The following ACBD5 variants were observed in gnomAD, a reference collection of about 807,000 sequenced individuals.
The protein encoded by ACBD5 is acyl-CoA-binding domain-containing protein 5.
A neutral mutation model predicts 71.8 loss-of-function variants in ACBD5; 40 were observed. The ratio of observed to expected loss-of-function variants is 0.56; its 90% CI spans 0.43 to 0.72. ACBD5 has a LOEUF of 0.72. Ranked by LOEUF, ACBD5 falls within the 30% of genes least tolerant of loss-of-function variation. The probability of loss-of-function intolerance (pLI) is 0.00; values close to 1 mark genes in which losing one functional copy is unlikely to be tolerated. For synonymous variants in ACBD5, 229 were observed against 218.6 expected (o/e 1.05, Z -0.42); for missense variants, 559 against 644.5 (o/e 0.87, Z 1.44).
rs1036710938 is a variant in ACBD5, at chr10:27,208,548, C to T, written c.1205-103G>A. 4.4e-6 allele frequency: 6 copies of T among 1,374,860 alleles called. No homozygotes were observed. In the African/African-American group the frequency reaches 5.7e-5, roughly 13 times the overall value. The allele number at this position is 1,374,860 out of a possible 1,614,324, so 85.2% of individuals were successfully genotyped here. A position where few individuals can be genotyped will look rare whatever the true frequency, so the allele number is the denominator to read the frequency against. ...GTTATTTCTTTGAGATCTAAATCTC[C>T]AAAGTGTGGCCAGGAGCTGTGGCTC... On this transcript the variant is annotated intron_variant, in intron 9 of 12. Coordinates refer to ENST00000396271, the MANE Select transcript of ACBD5 (RefSeq NM_145698.5).
chr10:27,191,649 C>T (rs556454966), downstream of ACBD5, among the ~76,000 whole-genome samples: 30 of 152,200 alleles, frequency 2.0e-4, no homozygotes, highest in African/African-American at 7.2e-4. Flanking sequence ...TTTGGGAGAT[C>T]GAGGCAGGCA....
At chr10:27,237,122 A>C (rs912580062) in intron 2 of ACBD5, among the ~76,000 whole-genome samples, 1 of 151,168 alleles carries the variant, frequency 6.6e-6, no homozygotes, top group Non-Finnish European at 1.5e-5. Context: ...ACTTATTTAA[A>C]TAACACAAAT....
Position 27,196,720 on chromosome 10 carries a change from A to G in ACBD5, c.*710T>C. 2 of 454,496 alleles carry G rather than the reference A, an allele frequency of 4.4e-6. No individual in the cohort carries two copies. Among genetic ancestry groups the G allele is most frequent in the Non-Finnish European group, 8.8e-6 (2 of 226,776 alleles). 28.2% of individuals were successfully genotyped at this position (454,496 alleles called of 1,614,324 possible). A position where few individuals can be genotyped will look rare whatever the true frequency, so the allele number is the denominator to read the frequency against. ...CTGATTAATCATCTACAGGCTCAGA[A>G]TACACTTTTAAACCTACATGAAGCT... is the stretch of plus-strand genomic sequence containing the variant. On this transcript the variant is annotated 3_prime_UTR_variant, in exon 13 of 13. Coordinates refer to ENST00000396271, the MANE Select transcript of ACBD5 (RefSeq NM_145698.5).
chr10:27,237,247 AG>A (rs1473666591), intron 2 of ACBD5, among the ~76,000 whole-genome samples: 1 of 152,218 alleles, frequency 6.6e-6, no homozygotes, highest in African/African-American at 2.4e-5. Flanking sequence ...ACATTTATTG[AG>A]TGTAGTCTGT....
chr10:27,216,933 T>C (rs975908291), intron 7 of ACBD5, among the ~76,000 whole-genome samples: 1 of 151,140 alleles, frequency 6.6e-6, no homozygotes, highest in Non-Finnish European at 1.5e-5. Context: ...GATCACAAGG[T>C]CAGGAGATCG....
chr10:27,195,432 G>T lies in ACBD5; in HGVS notation c.*1998C>A. 1 of 454,440 alleles carries T rather than the reference G, an allele frequency of 2.2e-6. No homozygotes were observed. Among genetic ancestry groups the T allele is most frequent in the South Asian group, 1.6e-5 (1 of 64,458 alleles). The allele number at this position is 454,440 out of a possible 1,614,324, so 28.2% of individuals were successfully genotyped here. Reference sequence around the variant, plus strand: ...TAAGACTTTGGAACAGGATAGAAATGGTTATCCCTAGGAGTTAGTTATCCC... The same window carrying T: ...TAAGACTTTGGAACAGGATAGAAATTGTTATCCCTAGGAGTTAGTTATCCC... On this transcript the variant is annotated 3_prime_UTR_variant, in exon 13 of 13. Transcript: ENST00000396271.
chr10:27,189,588 TAG>T, intron 13 of ACBD5, among the ~76,000 whole-genome samples: 1 of 131,934 alleles, frequency 7.6e-6, no homozygotes, highest in Non-Finnish European at 1.6e-5. Flanking sequence ...CACATGGACA[TAG>T]GAAGGGGAAC....
chr10:27,219,940 C>G, intron 5 of ACBD5, 83 bp from the exon 6 acceptor site: 1 of 1,244,324 alleles, frequency 8.0e-7, no homozygotes, highest in Admixed American at 2.2e-5. Flanking sequence ...ATAAAATTTA[C>G]AAATAACTAA....
At chr10:27,198,370 G>T (rs2136512144) in intron 12 of ACBD5, among the ~76,000 whole-genome samples, 1 of 152,298 alleles carries the variant, frequency 6.6e-6, no homozygotes, top group Admixed American at 6.5e-5. Flanking sequence ...CATCACATAT[G>T]ATCTGAGTTC....
At chr10:27,241,958 G>A, upstream of ACBD5, 1 of 428,570 alleles carries the variant, frequency 2.3e-6, no homozygotes, top group Non-Finnish European at 4.8e-6. Flanking sequence ...TGGAAGAGTC[G>A]TTTTTGTCAG....
intron 2 of ACBD5, among the ~76,000 whole-genome samples, chr10:27,238,322 A>G (rs576830803): frequency 6.6e-6 from 1 of 152,376 alleles, no homozygotes; most frequent in South Asian, 2.1e-4. Flanking sequence ...TGTTATGTAC[A>G]TACAAACTGT....
At chr10:27,184,042 C>T (rs1017185691) in intron 13 of ACBD5, among the ~76,000 whole-genome samples, 1 of 152,056 alleles carries the variant, frequency 6.6e-6, no homozygotes, top group Non-Finnish European at 1.5e-5. Flanking sequence ...TTAACCAATC[C>T]TATAGAGTGC....
chr10:27,194,591 G>A (rs543998868), downstream of ACBD5, among the ~76,000 whole-genome samples: 14 of 145,122 alleles, frequency 9.6e-5, no homozygotes, highest in East Asian at 2.0e-3. Context: ...CAGCCTGGGC[G>A]GCAGAGCAAG....
intron 12 of ACBD5, among the ~76,000 whole-genome samples, chr10:27,199,138 AT>A (rs888220706): frequency 4.6e-5 from 7 of 151,632 alleles, no homozygotes; most frequent in African/African-American, 7.3e-5. Context: ...ATAAATAAAA[AT>A]TAAAAAAATT....
chr10:27,240,716 G>A lies in ACBD5; in HGVS notation c.-28C>T. ...CTAGCAGAAGACAGAGGGGGTCCGG[G>A]CATCGGTGGCCGCGGAGCCGCTCTC... On this transcript the variant is annotated 5_prime_UTR_variant, in exon 1 of 13. Transcript: ENST00000396271. The surrounding 1 kb of genome is among the most constrained non-coding windows in gnomAD (Gnocchi z 4.1). 1 of 1,550,422 alleles carries A rather than the reference G, an allele frequency of 6.4e-7. No individual in the cohort carries two copies. Among genetic ancestry groups the A allele is most frequent in the South Asian group, 1.2e-5 (1 of 84,062 alleles).
At chr10:27,240,818 C>A (rs987525429), upstream of ACBD5, 45 of 1,374,368 alleles carry the variant, frequency 3.3e-5, 1 homozygote, top group Middle Eastern at 1.4e-3. The surrounding 1 kb of genome is among the most constrained non-coding windows in gnomAD (Gnocchi z 4.1). Flanking sequence ...GCCCTCCCCA[C>A]AGCCCCGCCC....
At chr10:27,198,655 T>C (rs535208536) in intron 12 of ACBD5, among the ~76,000 whole-genome samples, 1 of 152,250 alleles carries the variant, frequency 6.6e-6, no homozygotes, top group Admixed American at 6.5e-5. Context: ...GGAAGAGAAT[T>C]GAAATGGTTG....
chr10:27,208,305 C>T lies in ACBD5; in HGVS notation c.1345G>A (p.Glu449Lys). The change falls in exon 10 of 13, where the codon GAG becomes AAG. Residue 449 changes from glutamate (E) to lysine (K), a missense_variant. By Grantham distance (56) the Glu-to-Lys change is moderately conservative. Transcript: ENST00000396271. ...QIALVLMRLQ[E>K]DMQNVLQRLQ... The stretch of plus-strand genomic sequence containing the variant: ...CTCTGAAGGACATTCTGCATGTCCT[C>T]CTGCAGTCTCATCAGCACGAGGGCG... 6.2e-7 allele frequency: 1 copy of T among 1,614,176 alleles called. No individual in the cohort carries two copies. The highest frequency in any genetic ancestry group is 8.5e-7 in the Non-Finnish European group (1 of 1,180,018).
Position 27,218,074 on chromosome 10 carries a change from G to A in ACBD5, c.735C>T (p.Ala245=). The A allele has an allele frequency of 6.2e-7, 1 of 1,614,056 alleles. No homozygotes were observed. The highest frequency in any genetic ancestry group is 8.5e-7 in the Non-Finnish European group (1 of 1,179,988). Residue 245 remains alanine (A), a synonymous_variant, in exon 7 of 13, where the codon GCC becomes GCT. Transcript: ENST00000396271. ...TGCTTCTGCCATTCAGGGAAGAACT[G>A]GCATGAATGTCATTCTGTATATCCT... ...FVQDIQNDIH[A]SSSLNGRSTE...
Sources: allele counts gnomAD v4.1 joint callset (sites outside exome capture counted in the v4.1 genomes callset), GRCh38; gene constraint gnomAD v4.1.1; non-coding constraint Gnocchi (gnomAD v3.1); transcripts MANE v1.5; gene names NCBI Gene and HGNC (gene_info 2026-07-23, HGNC 2026-07-21).